SLU7: variants seen among roughly 807,000 people sequenced by gnomAD.
SLU7 encodes the protein pre-mRNA-splicing factor SLU7.
In SLU7, 60 loss-of-function variants were observed where a neutral mutation model predicts 87.0. That is an observed-to-expected ratio of 0.69 (90% confidence interval 0.56 to 0.86). SLU7 has a LOEUF of 0.86. Among genes scored for constraint, SLU7 ranks in the 40% least tolerant of loss-of-function variants. The pLI, the probability that SLU7 is intolerant of heterozygous loss-of-function variation, is 0.00. For synonymous variants in SLU7, 197 were observed against 222.0 expected (o/e 0.89, Z 1.00); for missense variants, 507 against 686.6 (o/e 0.74, Z 2.92).
chr5:160,413,651 T>C, intron 4 of SLU7, 31 bp from the exon 5 acceptor site: 1 of 1,581,038 alleles, frequency 6.3e-7, no homozygotes, highest in Non-Finnish European at 8.6e-7. Context: ...AATCTTTTCC[T>C]AAGTTTTTAT....
intron 11 of SLU7, among the ~76,000 whole-genome samples, chr5:160,406,893 G>C (rs1426547370): frequency 9.9e-5 from 15 of 152,172 alleles, no homozygotes. Context: ...TTTTGCCACA[G>C]GGCTTTGCTT....
At chr5:160,408,250 A>G in intron 8 of SLU7, 79 bp downstream of exon 8, 2 of 1,456,726 alleles carry the variant, frequency 1.4e-6, no homozygotes, top group Non-Finnish European at 1.9e-6. Context: ...TATTATCCAT[A>G]TGCTACCCAG....
At chr5:160,416,581 C>G (rs997029991) in intron 1 of SLU7, among the ~76,000 whole-genome samples, 1 of 152,202 alleles carries the variant, frequency 6.6e-6, no homozygotes. Context: ...AAAGACAACA[C>G]CATCCGTCCC....
chr5:160,408,039 G>T lies in SLU7; in HGVS notation c.849C>A (p.Ala283=). 1.2e-6 allele frequency: 2 copies of T among 1,611,702 alleles called. No homozygotes were observed. Among genetic ancestry groups the T allele is most frequent in the South Asian group, 2.2e-5 (2 of 90,970 alleles). ...TTGCTCTAGTTTTTGGATCATAGTA[G>T]GCAGAATTTGGATCTAAATTCCTCA... is the stretch of plus-strand genomic sequence containing the variant. ...KYLRNLDPNS[A]YYDPKTRAMR... is the part of the protein sequence containing the mutation. Residue 283 remains alanine, a synonymous_variant, in exon 9 of 16, where the codon GCC becomes GCA. Transcript: ENST00000297151.
At chr5:160,416,927 C>T (rs1362806161) in intron 1 of SLU7, among the ~76,000 whole-genome samples, 1 of 152,136 alleles carries the variant, frequency 6.6e-6, no homozygotes. Flanking sequence ...TGAATCATGG[C>T]GGCAGTTTCT....
At chr5:160,414,526 A>C in intron 2 of SLU7, 54 bp from the exon 3 acceptor site, 1 of 1,198,308 alleles carries the variant, frequency 8.3e-7, no homozygotes, top group Non-Finnish European at 1.1e-6. Context: ...GAAAATAATC[A>C]GTATTACAAT....
In SLU7 at chr5:160,402,822, C is replaced by G. The variant is rs1409960893; in HGVS notation, c.*463G>C. On this transcript the variant is annotated 3_prime_UTR_variant, in exon 16 of 16. Transcript: ENST00000297151. Reference sequence around the variant, plus strand: ...CACAAGGTCAGGAGATCGAGACCATCCTGGCTAACACGATGAAACCGTCTC... The same window carrying G: ...CACAAGGTCAGGAGATCGAGACCATGCTGGCTAACACGATGAAACCGTCTC... The G allele has an allele frequency of 2.0e-5, 3 of 152,156 alleles. No individual in the cohort carries two copies. Among genetic ancestry groups the G allele is most frequent in the African/African-American group, 7.3e-5 (3 of 41,364 alleles). 9.4% of individuals were successfully genotyped at this position (152,156 alleles called of 1,614,324 possible). A position where few individuals can be genotyped will look rare whatever the true frequency, so the allele number is the denominator to read the frequency against.
At chr5:160,403,541 A>G in intron 15 of SLU7, 77 bp from the exon 16 acceptor site, 3 of 1,287,198 alleles carry the variant, frequency 2.3e-6, no homozygotes, top group Non-Finnish European at 3.2e-6. Context: ...GAGTACCAAC[A>G]CACCCCACTG....
rs185926009 is a variant in SLU7 at position 160,404,406 on chromosome 5, T to C, written c.1581+34A>G. 3.1e-4 allele frequency: 394 copies of C among 1,274,476 alleles called. 1 individual carries two copies. The African/African-American group carries it at 5.2e-3, about 17-fold the overall frequency. 78.9% of individuals were successfully genotyped at this position (1,274,476 alleles called of 1,614,324 possible). A position where few individuals can be genotyped will look rare whatever the true frequency, so the allele number is the denominator to read the frequency against. ...CCCAAAAAACAAAGAATACTGCTAC[T>C]TGTCACTTTTACTATTTAGACTTCA... On this transcript the variant is annotated intron_variant, in intron 15 of 15. Coordinates refer to ENST00000297151, the MANE Select transcript of SLU7 (RefSeq NM_006425.5).
In SLU7 at chr5:160,405,049, T is replaced by C. The variant is rs1764951668; in HGVS notation, c.1374A>G (p.Glu458=). Residue 458 remains glutamate (E), a synonymous_variant, in exon 13 of 16, where the codon GAA becomes GAG. Transcript: ENST00000297151. ...SFFKYSYCTG[E]AGKEIVNSEE... ...TACTTACAACAATCTCCTTCCCAGC[T>C]TCTCCAGTACAATAGGAATACTTGA... 2 of 1,612,944 alleles carry C rather than the reference T, an allele frequency of 1.2e-6. No individual in the cohort carries two copies. Among genetic ancestry groups the C allele is most frequent in the African/African-American group, 1.3e-5 (1 of 75,032 alleles).
chr5:160,413,683 C>T (rs1765333842), intron 4 of SLU7, 63 bp from the exon 5 acceptor site: 4 of 1,408,302 alleles, frequency 2.8e-6, no homozygotes, highest in African/African-American at 2.9e-5. Flanking sequence ...AAACTTCATA[C>T]AACTTTTACA....
intron 2 of SLU7, 126 bp from the exon 3 acceptor site, chr5:160,414,598 CA>C: frequency 1.9e-6 from 1 of 515,900 alleles, no homozygotes; most frequent in Non-Finnish European, 3.3e-6. Context: ...GGGAAGAGAA[CA>C]AGGTTGCTAT....
intron 6 of SLU7, among the ~76,000 whole-genome samples, chr5:160,409,563 C>T (rs2113128271): frequency 6.6e-6 from 1 of 152,196 alleles, no homozygotes; most frequent in African/African-American, 2.4e-5. Flanking sequence ...TACAAACTCA[C>T]TGAAATACAC....
At chr5:160,415,408 T>C in intron 1 of SLU7, 98 bp from the exon 2 acceptor site, 1 of 867,456 alleles carries the variant, frequency 1.2e-6, no homozygotes, top group Non-Finnish European at 1.6e-6. Context: ...GTTTCATATG[T>C]TTTTTTTTCT....
intron 8 of SLU7, 29 bp from the exon 9 acceptor site, chr5:160,408,097 A>T (rs990610271): frequency 1.3e-5 from 19 of 1,479,532 alleles, no homozygotes; most frequent in Non-Finnish European, 1.8e-5. Flanking sequence ...TAAAGAATTA[A>T]TGTTTACTCA....
Position 160,408,450 on chromosome 5 carries a change from T to C in SLU7, c.698A>G (p.His233Arg), listed in dbSNP as rs747651313. Residue 233 changes from histidine (H) to arginine (R), a missense_variant, in exon 8 of 16, where the codon CAT becomes CGT. This residue lies in a region of SLU7 where 155 missense variants were observed against 154.4 expected (regional missense o/e 1.00). Transcript: ENST00000297151. Reference protein sequence around the residue: ...EEPNSQMEKDHNSEDEDEDKY... With the variant: ...EEPNSQMEKDRNSEDEDEDKY... ...ATCTTCATCCTCATCTTCACTATTATGATCTTTTTCCTAAAAGAGGGAGAG... is the reference window on the plus strand; with the variant it reads ...ATCTTCATCCTCATCTTCACTATTACGATCTTTTTCCTAAAAGAGGGAGAG... 1 of 1,595,464 alleles carries C rather than the reference T, an allele frequency of 6.3e-7. No homozygotes were observed. The highest frequency in any genetic ancestry group is 8.5e-7 in the Non-Finnish European group (1 of 1,170,590).
At chr5:160,404,924 A>C in intron 13 of SLU7, 44 bp from the exon 14 acceptor site, 1 of 1,516,068 alleles carries the variant, frequency 6.6e-7, no homozygotes, top group East Asian at 2.3e-5. Flanking sequence ...CATAGTTACT[A>C]ATCATCTAAG....
chr5:160,404,880 T>C lies in SLU7; in HGVS notation c.1393A>G (p.Asn465Asp). Reference protein sequence around the residue: ...CTGEAGKEIVNSEECIINEIT... With the variant: ...CTGEAGKEIVDSEECIINEIT... Reference sequence around the variant, plus strand: ...TCATTTATAATACACTCCTCAGAGTTCTGTGGGAAATACATGTAATTTGAG... The same window carrying C: ...TCATTTATAATACACTCCTCAGAGTCCTGTGGGAAATACATGTAATTTGAG... Residue 465 changes from asparagine (N) to aspartate (D), a missense_variant and splice_region_variant, in exon 14 of 16, where the codon AAC (asparagine) becomes GAC (aspartate). Physicochemically the swap from Asn to Asp is conservative, Grantham distance 23 (BLOSUM62 1). Around this residue, in one of 6 missense-constraint regions of SLU7, gnomAD observed 201 missense variants for 213.4 expected, o/e 0.94. Transcript: ENST00000297151. The C allele has an allele frequency of 6.2e-7, 1 of 1,605,670 alleles. No individual in the cohort carries two copies. Among genetic ancestry groups the C allele is most frequent in the South Asian group, 1.1e-5 (1 of 90,846 alleles).
rs1447559567 is a variant in SLU7, at chr5:160,402,202, CT to C, written c.*1082del. Reference sequence around the variant, plus strand: ...TAGGATATTCTACAATTTAAAAAATCTAATATTCATGATTGTTACATAGGGG... The same window carrying C: ...TAGGATATTCTACAATTTAAAAAATCAATATTCATGATTGTTACATAGGGG... On this transcript the variant is annotated 3_prime_UTR_variant, in exon 16 of 16. Transcript: ENST00000297151. 1 of 152,108 alleles carries C rather than the reference CT, an allele frequency of 6.6e-6. No individual in the cohort carries two copies. The highest frequency in any genetic ancestry group is 6.5e-5 in the Admixed American group (1 of 15,278). The allele number at this position is 152,108 out of a possible 1,614,324, so 9.4% of individuals were successfully genotyped here.
Sources: allele counts gnomAD v4.1 joint callset (sites outside exome capture counted in the v4.1 genomes callset), GRCh38; gene constraint gnomAD v4.1.1; regional missense constraint gnomAD v4.1.1; transcripts MANE v1.5; gene names NCBI Gene and HGNC (gene_info 2026-07-23, HGNC 2026-07-21).